The following LOXL2 variants were observed in gnomAD, a reference collection of about 807,000 sequenced individuals.
LOXL2 encodes lysyl oxidase like 2.
Under a neutral mutation model 93.0 loss-of-function variants are expected in LOXL2, and 70 were observed. That is an observed-to-expected ratio of 0.75 (90% CI 0.62 to 0.92). LOXL2 has a LOEUF of 0.92. Ranked by LOEUF, LOXL2 falls within the 40% of genes least tolerant of loss-of-function variation. The pLI is 0.00. For synonymous variants in LOXL2, 438 were observed against 413.2 expected (o/e 1.06, Z -0.73); for missense variants, 973 against 1,054.9 (o/e 0.92, Z 1.08).
intron 4 of LOXL2, among the ~76,000 whole-genome samples, chr8:23,338,380 G>C (rs1803829201): frequency 6.6e-6 from 1 of 152,014 alleles, no homozygotes; most frequent in South Asian, 2.1e-4. Flanking sequence ...CAGCCCAGCA[G>C]GTTCACAGAG....
chr8:23,376,682 C>T (rs1205082334), intron 1 of LOXL2, among the ~76,000 whole-genome samples: 1 of 152,092 alleles, frequency 6.6e-6, no homozygotes, highest in Non-Finnish European at 1.5e-5. Flanking sequence ...GTGTATGTGT[C>T]CAGGAATTTA....
At chr8:23,386,144 A>G in intron 1 of LOXL2, 1 of 702,258 alleles carries the variant, frequency 1.4e-6, no homozygotes, top group Non-Finnish European at 2.6e-6. Context: ...CCAGCCAGAT[A>G]CCAGAGCAGA....
chr8:23,322,333 T>C (rs1803510687), intron 6 of LOXL2, 52 bp from the exon 7 acceptor site: 15 of 1,555,664 alleles, frequency 9.6e-6, no homozygotes, highest in Non-Finnish European at 1.2e-5. Context: ...GGAAACTTTC[T>C]GGAGTGGCAA....
In LOXL2 at chr8:23,322,205, G is replaced by A. The variant is rs754764095; in HGVS notation, c.1227C>T (p.Ala409=). ...EKSIIDCKFN[A]ESQGCNHEED... ...CCTCGTGGTTGCAGCCCTGAGACTC[G>A]GCATTGAACTTGCAGTCTATAATGG... The change falls in exon 7 of 14, where the codon GCC becomes GCT. Residue 409 remains alanine, a synonymous_variant. Coordinates refer to ENST00000389131, the MANE Select transcript of LOXL2 (RefSeq NM_002318.3). The A allele has an allele frequency of 3.7e-4, 602 of 1,613,958 alleles. No homozygotes were observed. Among genetic ancestry groups the A allele is most frequent in the Non-Finnish European group, 3.1e-5 (37 of 1,179,952 alleles).
At chr8:23,305,383 G>A (rs569199507) in intron 10 of LOXL2, among the ~76,000 whole-genome samples, 2 of 152,274 alleles carry the variant, frequency 1.3e-5, no homozygotes, top group East Asian at 3.9e-4. Context: ...TGGTTTCATG[G>A]CCTCCCAGTT....
chr8:23,319,802 C>G, intron 8 of LOXL2, 83 bp downstream of exon 8: 6 of 1,443,378 alleles, frequency 4.2e-6, no homozygotes, highest in Non-Finnish European at 5.7e-6. Context: ...AGGGAGGGTA[C>G]GTGGGAGAGG....
intron 3 of LOXL2, among the ~76,000 whole-genome samples, chr8:23,350,318 C>A (rs1048715379): frequency 6.6e-6 from 1 of 152,118 alleles, no homozygotes; most frequent in Non-Finnish European, 1.5e-5. Flanking sequence ...GTGGCACGCA[C>A]CTGTAATCTC....
chr8:23,319,615 A>G (rs1001146665), intron 8 of LOXL2, among the ~76,000 whole-genome samples: 1 of 152,124 alleles, frequency 6.6e-6, no homozygotes, highest in African/African-American at 2.4e-5. Flanking sequence ...CAGTGTGCAG[A>G]GCAGGAGTGG....
intron 10 of LOXL2, among the ~76,000 whole-genome samples, chr8:23,304,789 C>G (rs1445975683): frequency 6.6e-6 from 1 of 152,174 alleles, no homozygotes; most frequent in Non-Finnish European, 1.5e-5. Flanking sequence ...CAACGGCAGG[C>G]AGGAGCTCCT....
At chr8:23,384,893 G>A (rs181135752) in intron 1 of LOXL2, among the ~76,000 whole-genome samples, 3 of 152,122 alleles carry the variant, frequency 2.0e-5, no homozygotes, top group Admixed American at 6.6e-5. Context: ...CAGACGGAGT[G>A]AAACTCCGTC....
At chr8:23,345,788 G>T (rs1803961999) in intron 3 of LOXL2, among the ~76,000 whole-genome samples, 1 of 152,104 alleles carries the variant, frequency 6.6e-6, no homozygotes, top group Admixed American at 6.5e-5. Flanking sequence ...TTCAGCCCCA[G>T]CCGGGCTCAG....
At chr8:23,314,979 A>T (rs560581219) in intron 9 of LOXL2, among the ~76,000 whole-genome samples, 10 of 152,324 alleles carry the variant, frequency 6.6e-5, no homozygotes, top group Non-Finnish European at 1.0e-4. Flanking sequence ...AGGAGGCTGG[A>T]CAACACAAGC....
At chr8:23,355,523 T>G (rs1359785076) in intron 3 of LOXL2, among the ~76,000 whole-genome samples, 1 of 98,096 alleles carries the variant, frequency 1.0e-5, no homozygotes, top group African/African-American at 3.4e-5. Context: ...TTTTTTTTTT[T>G]TTTTTTTTTT....
chr8:23,386,134 C>A, intron 1 of LOXL2: 1 of 727,316 alleles, frequency 1.4e-6, no homozygotes, highest in South Asian at 1.4e-5. Flanking sequence ...TGTAACCAGG[C>A]CAGCCAGATA....
chr8:23,356,172 T>C (rs1291325538), intron 3 of LOXL2, among the ~76,000 whole-genome samples: 3 of 152,190 alleles, frequency 2.0e-5, no homozygotes, highest in Non-Finnish European at 4.4e-5. Flanking sequence ...TGATACATGA[T>C]GGGGAGGCCG....
intron 1 of LOXL2, among the ~76,000 whole-genome samples, chr8:23,390,725 C>T (rs557523835): frequency 2.6e-5 from 4 of 152,328 alleles, no homozygotes; most frequent in African/African-American, 9.6e-5. Flanking sequence ...AGACACATCT[C>T]TTCTCTGCAG....
chr8:23,367,871 G>T, intron 2 of LOXL2, 126 bp downstream of exon 2: 1 of 764,372 alleles, frequency 1.3e-6, no homozygotes. Context: ...CCAGTCCCTG[G>T]ATGGGCATCA....
rs113606907 is a variant in LOXL2 at position 23,318,154 on chromosome 8, C to T, written c.1471-1040G>A. On this transcript the variant is annotated intron_variant, in intron 8 of 13. Transcript: ENST00000389131. Reference sequence around the variant, plus strand: ...ATAATATGGGCAATTCTTATCCAATCGGTTGAGGATCTTAAGGGGTAAAAA... The same window carrying T: ...ATAATATGGGCAATTCTTATCCAATTGGTTGAGGATCTTAAGGGGTAAAAA... Among the ~76,000 whole-genome samples, 857 of 146,122 alleles carry T rather than the reference C, an allele frequency of 5.9e-3. 6 individuals are homozygous for T. Among genetic ancestry groups the T allele is most frequent in the African/African-American group, 0.021 (827 of 39,628 alleles).
At chr8:23,313,961 C>T (rs866459298) in intron 9 of LOXL2, among the ~76,000 whole-genome samples, 1 of 56,670 alleles carries the variant, frequency 1.8e-5, no homozygotes, top group Non-Finnish European at 4.2e-5. Context: ...AAAAAAACAA[C>T]CCCATCAAAA....
Sources: gnomAD v4.1 joint callset for allele counts (sites outside exome capture counted in the v4.1 genomes callset) on GRCh38, gnomAD v4.1.1 for gene constraint, MANE v1.5 for transcripts, NCBI Gene and HGNC (gene_info 2026-07-23, HGNC 2026-07-21) for gene names.